PDE8B: variants seen among roughly 807,000 people sequenced by gnomAD.
PDE8B encodes the protein high affinity cAMP-specific and IBMX-insensitive 3',5'-cyclic phosphodiesterase 8B.
PDE8B carries 26 observed loss-of-function variants against 101.3 expected under a neutral mutation model. The observed-to-expected ratio is 0.26, with a 90% CI of 0.19 to 0.36. The LOEUF is 0.36. Among genes scored for constraint, PDE8B ranks in the 10% least tolerant of loss-of-function variants. The pLI is 1.00. For missense variants in PDE8B, 810 were observed against 1,163.1 expected (o/e 0.70, Z 4.42); for synonymous variants, 424 against 429.3 (o/e 0.99, Z 0.15).
intron 10 of PDE8B, among the ~76,000 whole-genome samples, chr5:77,364,363 C>T (rs1783718643): frequency 6.6e-6 from 1 of 152,194 alleles, no homozygotes; most frequent in Non-Finnish European, 1.5e-5. Flanking sequence ...GTGTTCATCA[C>T]ATAAGATTAG....
intron 1 of PDE8B, among the ~76,000 whole-genome samples, chr5:77,219,858 C>T (rs1165131799): frequency 6.6e-6 from 1 of 152,116 alleles, no homozygotes. Context: ...AGAAGGATGG[C>T]CAAATAAAGA....
the PDE8B span, chr5:77,104,938 C>T: frequency 6.6e-6 from 1 of 152,124 alleles, no homozygotes; most frequent in Non-Finnish European, 1.5e-5. Context: ...CAAAAGTTCC[C>T]TTGTATCCAG....
intron 10 of PDE8B, among the ~76,000 whole-genome samples, chr5:77,357,238 A>G (rs1782273223): frequency 6.6e-6 from 1 of 152,172 alleles, no homozygotes; most frequent in South Asian, 2.1e-4. Context: ...AGTGGGATGC[A>G]TGGGAGCCAG....
At chr5:77,174,869 T>C in the PDE8B span, among the ~76,000 whole-genome samples, 1 of 152,156 alleles carries the variant, frequency 6.6e-6, no homozygotes, top group Non-Finnish European at 1.5e-5. Flanking sequence ...CCCTGACCTG[T>C]CTACTGAGCT....
At chr5:77,324,373 A>T (rs1775670009) in intron 2 of PDE8B, among the ~76,000 whole-genome samples, 1 of 152,164 alleles carries the variant, frequency 6.6e-6, no homozygotes, top group South Asian at 2.1e-4. Context: ...GCAGGGAACA[A>T]GCCAGGCCGA....
At chr5:77,197,539 C>T in the PDE8B span, among the ~76,000 whole-genome samples, 5 of 150,810 alleles carry the variant, frequency 3.3e-5, no homozygotes, top group African/African-American at 1.2e-4. Context: ...TTTTTTTCCC[C>T]TAGTTTCTTA....
chr5:77,400,386 A>G (rs115352641), intron 11 of PDE8B, 96 bp downstream of exon 11: 10,250 of 841,870 alleles, frequency 0.012, 402 homozygotes, highest in African/African-American at 0.1. Flanking sequence ...GACATCTACT[A>G]CCCCAGAATG....
intron 1 of PDE8B, among the ~76,000 whole-genome samples, chr5:77,281,911 G>T (rs1254885889): frequency 6.6e-6 from 1 of 152,188 alleles, no homozygotes; most frequent in East Asian, 1.9e-4. Flanking sequence ...TGGTATATGG[G>T]ATCATTTGTG....
At chr5:77,317,066 G>T (rs377020302) in intron 2 of PDE8B, among the ~76,000 whole-genome samples, 1 of 152,046 alleles carries the variant, frequency 6.6e-6, no homozygotes, top group African/African-American at 2.4e-5. Flanking sequence ...TATGTTCAGG[G>T]CTCTATGCTA....
chr5:77,424,422 T>C (rs1009614584), intron 20 of PDE8B, among the ~76,000 whole-genome samples: 1 of 152,224 alleles, frequency 6.6e-6, no homozygotes, highest in Admixed American at 6.5e-5. Context: ...TCTGGCTTAA[T>C]ACACCACCAG....
intron 1 of PDE8B, among the ~76,000 whole-genome samples, chr5:77,280,008 G>T (rs1172528438): frequency 6.6e-6 from 1 of 152,200 alleles, no homozygotes; most frequent in Non-Finnish European, 1.5e-5. Context: ...TCCCACCTGG[G>T]CCAGCTTTAT....
rs1468906264 is a variant in PDE8B, at chr5:77,409,027, C to T, written c.1500C>T (p.His500=). 6.2e-7 allele frequency: 1 copy of T among 1,613,842 alleles called. No individual in the cohort carries two copies. Among genetic ancestry groups the T allele is most frequent in the Non-Finnish European group, 8.5e-7 (1 of 1,179,746 alleles). The change falls in exon 14 of 22, where the codon CAC becomes CAT. Residue 500 remains histidine (H), a synonymous_variant. Coordinates refer to ENST00000264917, the MANE Select transcript of PDE8B (RefSeq NM_003719.5). The part of the protein sequence containing the change: ...PQLGTKDEDP[H]TSDLVGGLMT... ...TGGGTACCAAAGATGAAGATCCCCACACCAGTGATCTTGTTGGAGGCCTGA... is the reference window on the plus strand; with the variant it reads ...TGGGTACCAAAGATGAAGATCCCCATACCAGTGATCTTGTTGGAGGCCTGA...
At chr5:77,400,738 A>C (rs1198443461) in intron 11 of PDE8B, among the ~76,000 whole-genome samples, 1 of 152,058 alleles carries the variant, frequency 6.6e-6, no homozygotes. Context: ...CCAAGTTCCT[A>C]TTTCAGTTTC....
At chr5:77,181,291 G>C in the PDE8B span, among the ~76,000 whole-genome samples, 1 of 152,136 alleles carries the variant, frequency 6.6e-6, no homozygotes, top group Non-Finnish European at 1.5e-5. Flanking sequence ...AAGTGCCCGG[G>C]AGAACAGTCT....
intron 1 of PDE8B, among the ~76,000 whole-genome samples, chr5:77,283,808 G>A (rs1001132409): frequency 2.0e-5 from 3 of 152,176 alleles, no homozygotes; most frequent in Admixed American, 6.5e-5. Context: ...CTGTGTGCAC[G>A]TTTTGTGTAG....
At chr5:77,360,276 T>C (rs1483299292) in intron 10 of PDE8B, among the ~76,000 whole-genome samples, 1 of 125,950 alleles carries the variant, frequency 7.9e-6, no homozygotes, top group Non-Finnish European at 1.7e-5. Flanking sequence ...AGTTTAAAAT[T>C]CCAAAGGTTG....
At chr5:77,093,842 A>T in the PDE8B span, among the ~76,000 whole-genome samples, 1 of 152,066 alleles carries the variant, frequency 6.6e-6, no homozygotes, top group African/African-American at 2.4e-5. Context: ...CGGTGTCATG[A>T]AAAGCTCTGC....
At chr5:77,165,071 A>G in the PDE8B span, among the ~76,000 whole-genome samples, 2 of 152,168 alleles carry the variant, frequency 1.3e-5, no homozygotes, top group Admixed American at 1.3e-4. Context: ...TGCTCCCACC[A>G]TGTCTGAGTT....
chr5:77,357,333 A>G (rs1283946149), intron 10 of PDE8B, among the ~76,000 whole-genome samples: 1 of 152,170 alleles, frequency 6.6e-6, no homozygotes, highest in Non-Finnish European at 1.5e-5. Flanking sequence ...CAAAGAGACC[A>G]CACATGCTTA....
Sources: gnomAD v4.1 joint callset for allele counts (sites outside exome capture counted in the v4.1 genomes callset) on GRCh38, gnomAD v4.1.1 for gene constraint, MANE v1.5 for transcripts, NCBI Gene and HGNC (gene_info 2026-07-23, HGNC 2026-07-21) for gene names.